The following DTWD2 variants were observed in gnomAD, a reference collection of about 807,000 sequenced individuals.
The protein encoded by DTWD2 is tRNA-uridine aminocarboxypropyltransferase 2.
In DTWD2, 39 loss-of-function variants were observed where a neutral mutation model predicts 31.8. The ratio of observed to expected loss-of-function variants is 1.22; its 90% CI spans 0.95 to 1.60. The LOEUF is 1.60. Ranked by LOEUF, DTWD2 falls within the 40% of genes most tolerant of loss-of-function variation. DTWD2 has a pLI of 0.00. For missense variants in DTWD2, 515 were observed against 381.5 expected (o/e 1.35, Z -2.92); for synonymous variants, 180 against 142.8 (o/e 1.26, Z -1.86).
At chr5:118,866,941 A>G (rs1752394145) in intron 4 of DTWD2, among the ~76,000 whole-genome samples, 1 of 152,266 alleles carries the variant, frequency 6.6e-6, no homozygotes, top group African/African-American at 2.4e-5. Flanking sequence ...AAATAAAAAA[A>G]TAAACTACAA....
chr5:118,915,793 C>A (rs1561453991), intron 4 of DTWD2, among the ~76,000 whole-genome samples: 1 of 152,198 alleles, frequency 6.6e-6, no homozygotes, highest in African/African-American at 2.4e-5. Flanking sequence ...GAGTAAGTGG[C>A]TGATGGTTTT....
chr5:118,888,946 G>A (rs1752923418), intron 4 of DTWD2, among the ~76,000 whole-genome samples: 2 of 152,138 alleles, frequency 1.3e-5, no homozygotes, highest in African/African-American at 2.4e-5. Flanking sequence ...TAACTGAGAT[G>A]TTTACTTATA....
rs1677039728 is a variant in DTWD2 at position 118,974,176 on chromosome 5, T to C, written c.218+14118A>G. On this transcript the variant is annotated intron_variant, in intron 1 of 5. Coordinates refer to ENST00000510708, the MANE Select transcript of DTWD2 (RefSeq NM_173666.4). ...AAAAAAAAAGGCCGCCTTGACCTATTCACCCTCCACTTCCCGTCTCAGAAT... is the reference window on the plus strand; with the variant it reads ...AAAAAAAAAGGCCGCCTTGACCTATCCACCCTCCACTTCCCGTCTCAGAAT... 11 of 1,457,024 alleles carry C rather than the reference T, an allele frequency of 7.5e-6. No homozygotes were observed. The Admixed American group carries it at 7.9e-5, about 10-fold the overall frequency. The allele number at this position is 1,457,024 out of a possible 1,614,324, so 90.3% of individuals were successfully genotyped here.
At chr5:118,953,002 T>C (rs1754500104) in intron 1 of DTWD2, among the ~76,000 whole-genome samples, 1 of 152,226 alleles carries the variant, frequency 6.6e-6, no homozygotes, top group African/African-American at 2.4e-5. Flanking sequence ...TGATGAACCC[T>C]CTAAGAGCAG....
intron 4 of DTWD2, among the ~76,000 whole-genome samples, chr5:118,850,099 G>A (rs902875736): frequency 6.0e-5 from 9 of 151,180 alleles, no homozygotes; most frequent in South Asian, 4.3e-4. Flanking sequence ...TCAATAAATG[G>A]TGCTGGGATA....
intron 3 of DTWD2, among the ~76,000 whole-genome samples, chr5:118,931,685 G>A (rs1217645868): frequency 1.3e-5 from 2 of 151,996 alleles, no homozygotes; most frequent in African/African-American, 4.8e-5. Context: ...AGATCAAGCA[G>A]ACAAAAAAAT....
At chr5:118,948,802 A>G (rs887553827) in intron 1 of DTWD2, among the ~76,000 whole-genome samples, 3 of 152,130 alleles carry the variant, frequency 2.0e-5, no homozygotes, top group Non-Finnish European at 4.4e-5. Context: ...TAAGGAAAGG[A>G]AAGAGGAGTG....
At chr5:118,974,110 C>T (rs551872467) in intron 1 of DTWD2, 49 of 1,589,882 alleles carry the variant, frequency 3.1e-5, no homozygotes, top group Admixed American at 8.8e-5. Flanking sequence ...AGCAGAAGAC[C>T]GACGAGGATG....
rs1436012048 is a variant in DTWD2, at chr5:118,926,205, A to C, written c.597+2332T>G. Among the ~76,000 whole-genome samples, 7 of 152,318 alleles carry C rather than the reference A, an allele frequency of 4.6e-5. No individual in the cohort carries two copies. The East Asian group carries it at 1.2e-3, about 25-fold the overall frequency. On this transcript the variant is annotated intron_variant, in intron 4 of 5. Transcript: ENST00000510708. ...AAATGTAGTATATATATACCACGGA[A>C]TACTACTCAGCCATAAAAATGAACA...
At chr5:118,979,848 G>A (rs943619320) in intron 1 of DTWD2, among the ~76,000 whole-genome samples, 1 of 152,220 alleles carries the variant, frequency 6.6e-6, no homozygotes, top group African/African-American at 2.4e-5. Flanking sequence ...GGGCCTGTCA[G>A]GAGGGCAGGG....
intron 1 of DTWD2, among the ~76,000 whole-genome samples, chr5:118,945,764 CAA>C (rs748130109): frequency 3.5e-5 from 2 of 57,716 alleles, no homozygotes; most frequent in Admixed American, 1.9e-4. Context: ...GACTCCAACT[CAA>C]AAAAAAAAAA....
At chr5:118,907,929 C>T (rs1442820828) in intron 4 of DTWD2, among the ~76,000 whole-genome samples, 1 of 152,104 alleles carries the variant, frequency 6.6e-6, no homozygotes, top group Non-Finnish European at 1.5e-5. Flanking sequence ...TGTTAATCTC[C>T]TGCAAAATAC....
chr5:118,975,472 T>C (rs566155765), intron 1 of DTWD2, among the ~76,000 whole-genome samples: 1 of 152,246 alleles, frequency 6.6e-6, no homozygotes, highest in East Asian at 1.9e-4. Flanking sequence ...GGTTAGAATA[T>C]GCTCCTTTAG....
intron 4 of DTWD2, among the ~76,000 whole-genome samples, chr5:118,869,979 T>C (rs1042324722): frequency 2.6e-5 from 4 of 152,230 alleles, no homozygotes; most frequent in African/African-American, 9.6e-5. Flanking sequence ...CAAGAGCTGG[T>C]GGTTTAAAAG....
At chr5:118,898,579 A>T (rs1378498497) in intron 4 of DTWD2, among the ~76,000 whole-genome samples, 1 of 151,650 alleles carries the variant, frequency 6.6e-6, no homozygotes, top group Non-Finnish European at 1.5e-5. Flanking sequence ...GAATCGCTTG[A>T]ACCTGGGAGG....
In DTWD2 at chr5:118,861,432, C is replaced by T. The variant is rs568048539; in HGVS notation, c.598-13214G>A. 3.0e-4 allele frequency among the ~76,000 whole-genome samples: 46 copies of T among 152,278 alleles called. No individual in the cohort carries two copies. In the South Asian group the frequency reaches 6.2e-3, roughly 21 times the overall value. On this transcript the variant is annotated intron_variant, in intron 4 of 5. Transcript: ENST00000510708. The stretch of plus-strand genomic sequence containing the variant: ...TTCCCTGAGGCAAATGTTGGCCCTG[C>T]TCAAAGGTATTAAAGTATTATCTTT...
At chr5:118,844,218 T>A (rs1751792911) in intron 5 of DTWD2, among the ~76,000 whole-genome samples, 1 of 152,196 alleles carries the variant, frequency 6.6e-6, no homozygotes, top group Non-Finnish European at 1.5e-5. Context: ...AAGTGACAGT[T>A]TTCAAGGAAC....
intron 4 of DTWD2, among the ~76,000 whole-genome samples, chr5:118,877,533 T>C (rs913910303): frequency 9.2e-5 from 14 of 151,480 alleles, no homozygotes; most frequent in African/African-American, 2.4e-4. Flanking sequence ...TGAAGAAACA[T>C]ACCTCAAAAT....
intron 3 of DTWD2, among the ~76,000 whole-genome samples, chr5:118,938,743 G>C (rs1754107645): frequency 1.5e-5 from 2 of 132,846 alleles, no homozygotes; most frequent in Non-Finnish European, 3.1e-5. Context: ...AATTTACTGA[G>C]TAAGCACTAT....
Sources: gnomAD v4.1 joint callset for allele counts (sites outside exome capture counted in the v4.1 genomes callset) on GRCh38, gnomAD v4.1.1 for gene constraint, MANE v1.5 for transcripts, NCBI Gene and HGNC (gene_info 2026-07-23, HGNC 2026-07-21) for gene names.